The following ANO10 variants were observed in gnomAD, a reference collection of about 807,000 sequenced individuals.
ANO10 encodes anoctamin 10.
In ANO10, 77 loss-of-function variants were observed where a neutral mutation model predicts 74.7. That is an observed-to-expected ratio of 1.03 (90% CI 0.86 to 1.25). ANO10 has a LOEUF of 1.25. Among genes scored for constraint, ANO10 ranks in the 50% most tolerant of loss-of-function variants. The pLI, the probability that ANO10 is intolerant of heterozygous loss-of-function variation, is 0.00. For missense variants in ANO10, 721 were observed against 778.1 expected (o/e 0.93, Z 0.87); for synonymous variants, 279 against 284.9 (o/e 0.98, Z 0.21).
chr3:43,571,073 C>T (rs1250297602), intron 7 of ANO10, among the ~76,000 whole-genome samples: 1 of 151,676 alleles, frequency 6.6e-6, no homozygotes, highest in East Asian at 1.9e-4. Context: ...AGCCAAAAAA[C>T]ACATGAAAAA....
intron 11 of ANO10, among the ~76,000 whole-genome samples, chr3:43,468,525 A>G (rs1195056615): frequency 6.6e-6 from 1 of 152,034 alleles, no homozygotes; most frequent in Non-Finnish European, 1.5e-5. Context: ...AATTTTCGGG[A>G]TTTCTGGAGC....
chr3:43,566,567 C>T (rs1221323481), intron 7 of ANO10, among the ~76,000 whole-genome samples: 2 of 152,214 alleles, frequency 1.3e-5, no homozygotes, highest in African/African-American at 4.8e-5. Context: ...CACCCCCCAG[C>T]AGGGGTACAC....
rs185544260 is a variant in ANO10, at chr3:43,677,287, G to A, written c.-12+14230C>T. Among the ~76,000 whole-genome samples the A allele has an allele frequency of 4.1e-4, 62 of 152,266 alleles. No homozygotes were observed. The East Asian group carries it at 0.011, about 27-fold the overall frequency. On this transcript the variant is annotated intron_variant, in intron 1 of 3. Transcript: ENST00000413397. ...TTCCCACTCATAAGTGGGAGCTCAC[G>A]CCTGTAATCCCAGCACTTTGGGAGG...
chr3:43,411,011 G>C (rs564703232), intron 12 of ANO10, among the ~76,000 whole-genome samples: 1 of 151,914 alleles, frequency 6.6e-6, no homozygotes, highest in East Asian at 1.9e-4. Context: ...GAAAAGTTCC[G>C]TAATAGCAGA....
intron 1 of ANO10, among the ~76,000 whole-genome samples, chr3:43,686,015 G>C (rs1435994437): frequency 6.6e-6 from 1 of 152,106 alleles, no homozygotes; most frequent in Non-Finnish European, 1.5e-5. Flanking sequence ...CTGGTTCTGA[G>C]AGTTCAATTA....
intron 1 of ANO10, among the ~76,000 whole-genome samples, chr3:43,643,678 C>CTTTTTTTTTTTTTTTTTTTTTTTTTTT (rs1310556861): frequency 1.3e-4 from 18 of 133,622 alleles, no homozygotes; most frequent in African/African-American, 5.0e-4. Context: ...TTGTCCTCAT[C>CTTTTTTTTTTTTTTTTTTTTTTTTTTT]TTTTCTTTTT....
At position 43,370,298 on chromosome 3, in the gene ANO10, C is replaced by A. The variant is rs186703052; in HGVS notation, c.1915-3324G>T. Among the ~76,000 whole-genome samples the A allele has an allele frequency of 4.6e-5, 7 of 152,366 alleles. No individual in the cohort carries two copies. In the East Asian group the frequency reaches 1.2e-3, roughly 25 times the overall value. On this transcript the variant is annotated intron_variant, in intron 12 of 12. Transcript: ENST00000292246. ...GAGACCTGGTTAAATGCAGGCCCTG[C>A]AGTGGACCCCAGACTCTCTGAATTT...
intron 11 of ANO10, among the ~76,000 whole-genome samples, chr3:43,450,353 C>T (rs1227052300): frequency 1.3e-5 from 2 of 151,996 alleles, no homozygotes; most frequent in Admixed American, 6.6e-5. Context: ...CCAGCCTGGG[C>T]AACATAGTGA....
At chr3:43,672,159 G>T (rs2084066814) in intron 1 of ANO10, among the ~76,000 whole-genome samples, 1 of 152,106 alleles carries the variant, frequency 6.6e-6, no homozygotes, top group East Asian at 1.9e-4. Context: ...TGATTACCTG[G>T]ATGGCACTTA....
intron 11 of ANO10, among the ~76,000 whole-genome samples, chr3:43,461,475 T>C (rs2075374699): frequency 6.6e-6 from 1 of 152,222 alleles, no homozygotes; most frequent in Admixed American, 6.5e-5. Flanking sequence ...CCCACCCGAA[T>C]CTCATCTTGA....
intron 4 of ANO10, among the ~76,000 whole-genome samples, chr3:43,586,940 A>C (rs1193708698): frequency 6.6e-6 from 1 of 152,198 alleles, no homozygotes; most frequent in East Asian, 1.9e-4. Flanking sequence ...AAGACTTGAA[A>C]ATACTACAAA....
chr3:43,508,674 C>G (rs1251400717), intron 11 of ANO10, among the ~76,000 whole-genome samples: 1 of 151,876 alleles, frequency 6.6e-6, no homozygotes, highest in Non-Finnish European at 1.5e-5. Context: ...AACCATCATT[C>G]TGAGCAAACT....
intron 1 of ANO10, among the ~76,000 whole-genome samples, chr3:43,664,296 A>G (rs1322900385): frequency 1.3e-5 from 2 of 152,182 alleles, no homozygotes; most frequent in African/African-American, 4.8e-5. Flanking sequence ...TTCCCTATTT[A>G]ATAAGTGGTG....
chr3:43,369,142 C>T (rs73831277), intron 12 of ANO10, among the ~76,000 whole-genome samples: 3,932 of 152,338 alleles, frequency 0.026, 176 homozygotes, highest in African/African-American at 0.087. Context: ...TCTGGGGTGC[C>T]CCCCACTTGT....
At chr3:43,504,105 C>A (rs931994568) in intron 11 of ANO10, among the ~76,000 whole-genome samples, 25 of 151,964 alleles carry the variant, frequency 1.6e-4, no homozygotes, top group African/African-American at 5.8e-4. Context: ...CCTGTCTCTA[C>A]TAAAAATGCA....
intron 11 of ANO10, chr3:43,472,634 C>G (rs1384475490): frequency 6.6e-6 from 1 of 151,926 alleles, no homozygotes; most frequent in Admixed American, 6.6e-5. Context: ...GCATAACAAC[C>G]AAATGCAATG....
intron 2 of ANO10, among the ~76,000 whole-genome samples, chr3:43,602,004 T>C (rs1234586753): frequency 6.6e-6 from 1 of 152,198 alleles, no homozygotes; most frequent in African/African-American, 2.4e-5. Flanking sequence ...AACAAGGCCA[T>C]TCCTGCACAA....
chr3:43,497,163 A>G (rs1330962660), intron 11 of ANO10, among the ~76,000 whole-genome samples: 1 of 152,188 alleles, frequency 6.6e-6, no homozygotes, highest in Non-Finnish European at 1.5e-5. Flanking sequence ...CAATAAACCT[A>G]CTGGAGGGTA....
At chr3:43,550,595 G>T (rs934849767) in intron 10 of ANO10, among the ~76,000 whole-genome samples, 1 of 152,102 alleles carries the variant, frequency 6.6e-6, no homozygotes, top group Non-Finnish European at 1.5e-5. Flanking sequence ...CAAAACAAAA[G>T]ATGACTGAAT....
Sources: gnomAD v4.1 joint callset for allele counts (sites outside exome capture counted in the v4.1 genomes callset) on GRCh38, gnomAD v4.1.1 for gene constraint, MANE v1.5 for transcripts, NCBI Gene and HGNC (gene_info 2026-07-23, HGNC 2026-07-21) for gene names.